Variants in ERCC6L observed in about 807,000 individuals in gnomAD.
ERCC6L encodes DNA excision repair protein ERCC-6-like.
A neutral mutation model predicts 20.1 loss-of-function variants in ERCC6L; 7 were observed. That is an observed-to-expected ratio of 0.35 (90% CI 0.20 to 0.65). The LOEUF (loss-of-function observed/expected upper bound fraction) is 0.65. Among genes scored for constraint, ERCC6L ranks in the 30% least tolerant of loss-of-function variants. The probability of loss-of-function intolerance (pLI) is 0.69; values close to 1 mark genes in which losing one functional copy is unlikely to be tolerated. For missense variants in ERCC6L, 592 were observed against 892.4 expected (o/e 0.66, Z 4.29); for synonymous variants, 278 against 331.3 (o/e 0.84, Z 1.75).
chrX:72,236,545 C>T (rs150163121), intron 1 of ERCC6L, among the ~76,000 whole-genome samples: 2,049 of 111,607 alleles, frequency 0.018, 57 homozygotes, highest in African/African-American at 0.063. Context: ...GCACCTGCCT[C>T]GCCCTCCCAA....
rs1325229102 is a variant in ERCC6L, at chrX:72,205,561, C to A, written c.3206G>T (p.Ser1069Ile). 8.3e-7 allele frequency: 1 copy of A among 1,211,084 alleles called. No individual in the cohort carries two copies. Among genetic ancestry groups the A allele is most frequent in the East Asian group, 3.0e-5 (1 of 33,849 alleles). The change falls in exon 2 of 2, where the codon AGT becomes ATT. Residue 1069 changes from serine (S) to isoleucine (I), a missense_variant. Coordinates refer to ENST00000334463, the MANE Select transcript of ERCC6L (RefSeq NM_017669.4). ...AGATGAAAAGAACCTTCCTGGTGGA[C>A]TGATGTCATTTTTGGGAGTTGAAGC... ...FDASTPKNDI[S>I]PPGRFFSSQI...
At chrX:72,238,723 G>T in intron 1 of ERCC6L, 121 bp downstream of exon 1, 1 of 609,650 alleles carries the variant, frequency 1.6e-6, no homozygotes. Context: ...AGAAGAGCGC[G>T]AGCGCGCGTC....
In ERCC6L at chrX:72,206,353, G is replaced by A. The variant is rs2042819997; in HGVS notation, c.2414C>T (p.Thr805Ile). The part of the protein sequence containing the change: ...NVTTLQDGKG[T>I]GSADSIATLP... Reference sequence around the variant, plus strand: ...AGTAGCTATAGAGTCAGCACTACCTGTACCTTTACCATCTTGCAAGGTGGT... The same window carrying A: ...AGTAGCTATAGAGTCAGCACTACCTATACCTTTACCATCTTGCAAGGTGGT... Residue 805 changes from threonine to isoleucine, a missense_variant, in exon 2 of 2, where the codon ACA (threonine) becomes ATA (isoleucine). By Grantham distance (89) the Thr-to-Ile change is moderately conservative. Around this residue, in one of 3 missense-constraint regions of ERCC6L, gnomAD observed 352 missense variants for 402.6 expected, o/e 0.87. Coordinates refer to ENST00000334463, the MANE Select transcript of ERCC6L (RefSeq NM_017669.4). 8.3e-7 allele frequency: 1 copy of A among 1,210,246 alleles called. No individual in the cohort carries two copies. Among genetic ancestry groups the A allele is most frequent in the South Asian group, 1.8e-5 (1 of 56,813 alleles).
intron 1 of ERCC6L, among the ~76,000 whole-genome samples, chrX:72,236,057 C>T (rs1306742044): frequency 8.9e-6 from 1 of 111,997 alleles, no homozygotes; most frequent in Non-Finnish European, 1.9e-5. Flanking sequence ...CTATAGGTCC[C>T]AACAATATCA....
chrX:72,216,454 G>T (rs970879084), intron 1 of ERCC6L, among the ~76,000 whole-genome samples: 4 of 111,642 alleles, frequency 3.6e-5, no homozygotes, highest in African/African-American at 1.3e-4. Context: ...ACATAAAATT[G>T]CCATTTTAAC....
intron 1 of ERCC6L, among the ~76,000 whole-genome samples, chrX:72,223,340 TA>T (rs769062677): frequency 1.9e-3 from 161 of 82,677 alleles, no homozygotes; most frequent in Admixed American, 2.5e-3. Context: ...AACTCTGTCT[TA>T]AAAAAAAAAA....
At chrX:72,212,969 C>T (rs979744974) in intron 1 of ERCC6L, among the ~76,000 whole-genome samples, 1 of 112,035 alleles carries the variant, frequency 8.9e-6, no homozygotes, top group Non-Finnish European at 1.9e-5. Flanking sequence ...TGTGAAGAGA[C>T]AGAGAACTGA....
intron 1 of ERCC6L, among the ~76,000 whole-genome samples, chrX:72,210,167 A>G (rs928493262): frequency 7.0e-5 from 7 of 100,141 alleles, no homozygotes; most frequent in Non-Finnish European, 9.8e-5. Context: ...GGAGTTTAAG[A>G]CTAGCCTGAA....
chrX:72,238,959 G>A lies in ERCC6L; in HGVS notation c.-48C>T. ...TACCCCGGCGGGAGTTTGGAGCTTG[G>A]AGCTTGGAGCTTGGAGCTTGGAGCT... On this transcript the variant is annotated 5_prime_UTR_variant, in exon 1 of 2. Transcript: ENST00000334463. 1.0e-6 allele frequency: 1 copy of A among 983,166 alleles called. No individual in the cohort carries two copies. Among genetic ancestry groups the A allele is most frequent in the Non-Finnish European group, 1.4e-6 (1 of 707,813 alleles). 81.0% of individuals were successfully genotyped at this position (983,166 alleles called of 1,213,427 possible). A position where few individuals can be genotyped will look rare whatever the true frequency, so the allele number is the denominator to read the frequency against.
intron 1 of ERCC6L, among the ~76,000 whole-genome samples, chrX:72,236,060 C>T (rs2043015577): frequency 2.7e-5 from 3 of 111,981 alleles, no homozygotes; most frequent in South Asian, 7.4e-4. Flanking sequence ...TAGGTCCCAA[C>T]AATATCAAAC....
intron 1 of ERCC6L, among the ~76,000 whole-genome samples, chrX:72,226,976 A>G (rs759015482): frequency 3.6e-5 from 4 of 112,025 alleles, no homozygotes; most frequent in Non-Finnish European, 7.5e-5. Flanking sequence ...GCCATTTCCC[A>G]TCAATGTTCT....
At chrX:72,237,002 G>A (rs191153069) in intron 1 of ERCC6L, among the ~76,000 whole-genome samples, 33 of 112,078 alleles carry the variant, frequency 2.9e-4, no homozygotes, top group African/African-American at 9.7e-4. Context: ...ACACCAGCCT[G>A]AGAGAATATA....
chrX:72,222,379 T>A (rs959688492), intron 1 of ERCC6L, among the ~76,000 whole-genome samples: 5 of 111,478 alleles, frequency 4.5e-5, no homozygotes, highest in Non-Finnish European at 9.4e-5. Context: ...CCCATGCAGA[T>A]GAACTCCATA....
rs760469735 is a variant in ERCC6L at position 72,216,616 on chromosome X, CTG to C, written c.69-7920_69-7919del. Reference sequence around the variant, plus strand: ...GTGACATCTAATCTACTGTTTGTCTCTGTGTATGTGCCTATTCTAGATATTTC... The same window carrying C: ...GTGACATCTAATCTACTGTTTGTCTCTGTATGTGCCTATTCTAGATATTTC... On this transcript the variant is annotated intron_variant, in intron 1 of 1. Coordinates refer to ENST00000334463, the MANE Select transcript of ERCC6L (RefSeq NM_017669.4). Among the ~76,000 whole-genome samples the C allele has an allele frequency of 3.1e-3, 345 of 111,662 alleles. 1 individual carries two copies. The highest frequency in any genetic ancestry group is 0.011 in the African/African-American group (330 of 30,741).
At chrX:72,216,202 G>A (rs1053510641) in intron 1 of ERCC6L, among the ~76,000 whole-genome samples, 24 of 109,265 alleles carry the variant, frequency 2.2e-4, no homozygotes, top group Non-Finnish European at 4.2e-4. Flanking sequence ...CTGAGACACC[G>A]AGACATAGAG....
At chrX:72,220,070 G>A (rs766546104) in intron 1 of ERCC6L, among the ~76,000 whole-genome samples, 2 of 110,409 alleles carry the variant, frequency 1.8e-5, no homozygotes, top group Non-Finnish European at 3.8e-5. Flanking sequence ...TTTGTATCAC[G>A]AAAAGGTGCT....
intron 1 of ERCC6L, among the ~76,000 whole-genome samples, chrX:72,218,535 C>G (rs1472255055): frequency 1.9e-5 from 2 of 107,095 alleles, no homozygotes; most frequent in Non-Finnish European, 3.9e-5. Context: ...GCTCTGTCAC[C>G]CAGGCTGGAG....
intron 1 of ERCC6L, among the ~76,000 whole-genome samples, chrX:72,224,243 T>G (rs981618963): frequency 1.8e-5 from 2 of 111,609 alleles, no homozygotes; most frequent in Non-Finnish European, 3.8e-5. Flanking sequence ...ATACAAGAAC[T>G]TCCATACAAA....
At chrX:72,222,416 G>C (rs1280314165) in intron 1 of ERCC6L, among the ~76,000 whole-genome samples, 1 of 111,267 alleles carries the variant, frequency 9.0e-6, no homozygotes, top group Non-Finnish European at 1.9e-5. Flanking sequence ...AAATCCAGTG[G>C]CCAATGATGC....
Sources: allele counts gnomAD v4.1 joint callset (sites outside exome capture counted in the v4.1 genomes callset), GRCh38; gene constraint gnomAD v4.1.1; regional missense constraint gnomAD v4.1.1; transcripts MANE v1.5; gene names NCBI Gene and HGNC (gene_info 2026-07-23, HGNC 2026-07-21).